The following FRYL variants were observed in gnomAD, a reference collection of about 807,000 sequenced individuals.
The protein encoded by FRYL is FRY like transcription coactivator.
FRYL carries 150 observed loss-of-function variants against 351.2 expected under a neutral mutation model. That is an observed-to-expected ratio of 0.43 (90% CI 0.37 to 0.49). The LOEUF is 0.49. FRYL is among the 20% of genes least tolerant of loss of function. The pLI is 0.00. For missense variants in FRYL, 3,036 were observed against 3,619.3 expected (o/e 0.84, Z 4.13); for synonymous variants, 1,153 against 1,257.1 (o/e 0.92, Z 1.75).
At chr4:48,764,437 A>G (rs1032362023) in intron 1 of FRYL, among the ~76,000 whole-genome samples, 1 of 151,854 alleles carries the variant, frequency 6.6e-6, no homozygotes, top group African/African-American at 2.4e-5. Flanking sequence ...AGGCTGACAC[A>G]GGAGGATCAC....
At chr4:48,777,795 GC>G (rs1466134605) in intron 1 of FRYL, among the ~76,000 whole-genome samples, 1 of 152,144 alleles carries the variant, frequency 6.6e-6, no homozygotes, top group Non-Finnish European at 1.5e-5. Flanking sequence ...GGAAGATTAT[GC>G]CTAGCTGCTT....
chr4:48,718,487 T>C (rs1769115489), intron 1 of FRYL, among the ~76,000 whole-genome samples: 2 of 151,600 alleles, frequency 1.3e-5, no homozygotes, highest in Non-Finnish European at 2.9e-5. Context: ...TTCTACTCTA[T>C]ACGTTAGTTG....
In FRYL at chr4:48,534,685, G is replaced by A. The variant is rs576849816; in HGVS notation, c.6565C>T (p.Leu2189=). Residue 2189 remains leucine, a splice_region_variant and synonymous_variant, in exon 49 of 64, where the codon CTG becomes TTG. Transcript: ENST00000358350. ...ATACTGGACAATCCTTTCTCTAACA[G>A]CTAAAAATAATGTTAAAAGTAATAT... ...TFNLVTYLAE[L]LEKGLSSMQQ... is the part of the protein sequence containing the mutation. The A allele has an allele frequency of 6.0e-6, 9 of 1,510,008 alleles. No individual in the cohort carries two copies. The highest frequency in any genetic ancestry group is 1.2e-5 in the South Asian group (1 of 84,152). The allele number at this position is 1,510,008 out of a possible 1,614,324, so 93.5% of individuals were successfully genotyped here. A position where few individuals can be genotyped will look rare whatever the true frequency, so the allele number is the denominator to read the frequency against.
rs564703145 is a variant in FRYL, at chr4:48,549,967, C to A, written c.4634-344G>T. On this transcript the variant is annotated intron_variant, in intron 38 of 63. Transcript: ENST00000358350. This position sits in a 1 kb window ranked among gnomAD's most constrained non-coding sequence, Gnocchi z 4.2. ...GGGCCTTCTGGTAAGTTATTCAGTT[C>A]TAAATATCCTGAGATAGGGCCAACA... Among the ~76,000 whole-genome samples the A allele has an allele frequency of 6.6e-6, 1 of 152,182 alleles. No individual in the cohort carries two copies. Among genetic ancestry groups the A allele is most frequent in the South Asian group, 2.1e-4 (1 of 4,834 alleles).
In FRYL at chr4:48,606,097, GAAAAAAAAAAAA is replaced by G. The variant is rs59467789; in HGVS notation, c.742-276_742-265del. On this transcript the variant is annotated intron_variant, in intron 10 of 63. Transcript: ENST00000358350. Reference sequence around the variant, plus strand: ...ATGGTGAAATCCCGTCTCTACTAAAGAAAAAAAAAAAAAAAAAAAAAAAAAATTAGCCGGGCC... The same window carrying G: ...ATGGTGAAATCCCGTCTCTACTAAAGAAAAAAAAAAAAAATTAGCCGGGCC... Among the ~76,000 whole-genome samples the G allele has an allele frequency of 3.6e-4, 21 of 57,538 alleles. No homozygotes were observed. The Middle Eastern group carries it at 0.028, about 76-fold the overall frequency. The allele number at this position is 57,538 out of a possible 152,430, so 37.7% of individuals were successfully genotyped here. A position where few individuals can be genotyped will look rare whatever the true frequency, so the allele number is the denominator to read the frequency against.
intron 62 of FRYL, 110 bp downstream of exon 62, chr4:48,501,513 A>C: frequency 1.5e-6 from 1 of 687,644 alleles, no homozygotes; most frequent in South Asian, 1.6e-5. Context: ...TAAAAGAAAA[A>C]AGACTCACTC....
chr4:48,751,841 T>G (rs1773277138), intron 1 of FRYL, among the ~76,000 whole-genome samples: 2 of 151,158 alleles, frequency 1.3e-5, no homozygotes, highest in Admixed American at 1.3e-4. Flanking sequence ...AGATTCAATT[T>G]TTTTTTTTTT....
chr4:48,576,707 T>C (rs1739690764), intron 23 of FRYL, among the ~76,000 whole-genome samples: 1 of 152,224 alleles, frequency 6.6e-6, no homozygotes, highest in Non-Finnish European at 1.5e-5. Flanking sequence ...AATTAAAATA[T>C]GTTACCAGAT....
intron 16 of FRYL, among the ~76,000 whole-genome samples, chr4:48,593,692 A>C (rs1465321115): frequency 6.6e-6 from 1 of 152,006 alleles, no homozygotes; most frequent in Non-Finnish European, 1.5e-5. Flanking sequence ...ACGCTTAAAC[A>C]CCATTATTTC....
intron 3 of FRYL, among the ~76,000 whole-genome samples, chr4:48,658,686 C>T (rs868391893): frequency 2.0e-5 from 3 of 151,400 alleles, no homozygotes; most frequent in Non-Finnish European, 2.9e-5. Context: ...CCCAGGAAGT[C>T]GAGGCCGCAG....
chr4:48,674,799 G>A (rs1207804491), intron 3 of FRYL, among the ~76,000 whole-genome samples: 3 of 146,974 alleles, frequency 2.0e-5, no homozygotes, highest in East Asian at 2.0e-4. Context: ...GCCCTTTGCT[G>A]TAACACAACT....
In FRYL at chr4:48,546,068, T is replaced by A; in HGVS notation, c.5278A>T (p.Arg1760Ter). 3 of 1,612,072 alleles carry A rather than the reference T, an allele frequency of 1.9e-6. No homozygotes were observed. The highest frequency in any genetic ancestry group is 2.5e-6 in the Non-Finnish European group (3 of 1,178,964). The change falls in exon 42 of 64, where the codon AGA becomes TGA. Residue 1760 changes from arginine (R) to a stop codon, truncating the protein, a stop_gained and splice_region_variant. Coordinates refer to ENST00000358350, the MANE Select transcript of FRYL (RefSeq NM_015030.2). LOFTEE classifies it high-confidence loss of function. ...VKTLMEFITS[R>*]KRGPLWNHED... ...GATGATAAGAGCTGCCAGTGTTACCTTGAGGTAATGAATTCCATGAGGGTT... is the reference window on the plus strand; with the variant it reads ...GATGATAAGAGCTGCCAGTGTTACCATGAGGTAATGAATTCCATGAGGGTT...
At chr4:48,641,429 T>C (rs531507560) in intron 3 of FRYL, among the ~76,000 whole-genome samples, 5 of 152,240 alleles carry the variant, frequency 3.3e-5, no homozygotes, top group African/African-American at 1.2e-4. Context: ...TCAAGTAATA[T>C]GCTGGTAAAT....
rs1260904105 is a variant in FRYL at position 48,498,622 on chromosome 4, TTC to T, written c.*798_*799del. 2.0e-5 allele frequency: 3 copies of T among 152,662 alleles called. No homozygotes were observed. Among genetic ancestry groups the T allele is most frequent in the Non-Finnish European group, 4.4e-5 (3 of 68,048 alleles). 9.5% of individuals were successfully genotyped at this position (152,662 alleles called of 1,614,324 possible). A position where few individuals can be genotyped will look rare whatever the true frequency, so the allele number is the denominator to read the frequency against. ...CCAATAACGTTAACAGATATATTAT[TTC>T]TTTTTGAAATACTGGGAAAGCCCAG... On this transcript the variant is annotated 3_prime_UTR_variant, in exon 64 of 64. Transcript: ENST00000358350.
chr4:48,625,461 G>A lies in FRYL; in HGVS notation c.121-2282C>T, dbSNP rs568053257. 2.0e-5 allele frequency among the ~76,000 whole-genome samples: 3 copies of A among 152,158 alleles called. No individual in the cohort carries two copies. In the South Asian group the frequency reaches 6.2e-4, roughly 32 times the overall value. ...GCATTCATGGATTCAACCAACCTTGGATCAAAAGCAGTAAAAAATAAAATA... is the reference window on the plus strand; with the variant it reads ...GCATTCATGGATTCAACCAACCTTGAATCAAAAGCAGTAAAAAATAAAATA... On this transcript the variant is annotated intron_variant, in intron 4 of 63. Transcript: ENST00000358350.
intron 1 of FRYL, 42 bp from the exon 2 acceptor site, chr4:48,710,740 C>T (rs1767905490): frequency 2.5e-6 from 1 of 395,958 alleles, no homozygotes; most frequent in Admixed American, 4.4e-5. Flanking sequence ...TCACTAACAG[C>T]CATGCTTACA....
At chr4:48,741,195 C>T (rs1347650514) in intron 1 of FRYL, among the ~76,000 whole-genome samples, 4 of 152,104 alleles carry the variant, frequency 2.6e-5, no homozygotes, top group Admixed American at 1.3e-4. Flanking sequence ...ATTACTTGAA[C>T]CCAGGAGTTT....
At chr4:48,500,243 G>C (rs780154880) in intron 62 of FRYL, 23 bp from the exon 63 acceptor site, 7 of 1,479,628 alleles carry the variant, frequency 4.7e-6, no homozygotes, top group Non-Finnish European at 6.4e-6. Context: ...CATCTTTAAG[G>C]ATCTATTCGT....
At chr4:48,572,810 T>C (rs888968991) in intron 26 of FRYL, among the ~76,000 whole-genome samples, 1 of 152,210 alleles carries the variant, frequency 6.6e-6, no homozygotes, top group Admixed American at 6.5e-5. Flanking sequence ...CTGCAAATTT[T>C]TTACTGTTTT....
Sources: gnomAD v4.1 joint callset for allele counts (sites outside exome capture counted in the v4.1 genomes callset) on GRCh38, gnomAD v4.1.1 for gene constraint, Gnocchi (gnomAD v3.1) non-coding constraint, MANE v1.5 for transcripts, NCBI Gene and HGNC (gene_info 2026-07-23, HGNC 2026-07-21) for gene names.